Variants in PTPRG observed in about 807,000 individuals in gnomAD.
The protein encoded by PTPRG is protein tyrosine phosphatase receptor type G.
A neutral mutation model predicts 165.3 loss-of-function variants in PTPRG; 102 were observed. The observed-to-expected ratio is 0.62, with a 90% CI of 0.53 to 0.73. The LOEUF (loss-of-function observed/expected upper bound fraction) is 0.73. Ranked by LOEUF, PTPRG falls within the 30% of genes least tolerant of loss-of-function variation. The probability of loss-of-function intolerance (pLI) is 0.00; values close to 1 mark genes in which losing one functional copy is unlikely to be tolerated. For synonymous variants in PTPRG, 675 were observed against 669.5 expected (o/e 1.01, Z -0.13); for missense variants, 1,866 against 1,861.4 (o/e 1.00, Z -0.05).
At chr3:61,894,277 G>A (rs984871316) in intron 2 of PTPRG, among the ~76,000 whole-genome samples, 5 of 117,474 alleles carry the variant, frequency 4.3e-5, no homozygotes, top group Admixed American at 1.1e-4. Flanking sequence ...ACTCCAGCCC[G>A]GGCAACAGAG....
intron 1 of PTPRG, among the ~76,000 whole-genome samples, chr3:61,700,054 G>C (rs1050941269): frequency 1.3e-5 from 2 of 152,092 alleles, no homozygotes; most frequent in East Asian, 1.9e-4. Flanking sequence ...GGGGGTCTGT[G>C]TGGTCCTCTT....
rs145754238 is a variant in PTPRG at position 61,956,790 on chromosome 3, G to A, written c.191-32835G>A. Among the ~76,000 whole-genome samples, 367 of 152,318 alleles carry A rather than the reference G, an allele frequency of 2.4e-3. 3 individuals are homozygous for A. The highest frequency in any genetic ancestry group is 0.02 in the Middle Eastern group (6 of 294). ...TTGTATGACATTTCTGATTGGAAAG[G>A]TTATGTGACATGCAGGGAGGGGTCT... On this transcript the variant is annotated intron_variant, in intron 2 of 29. Transcript: ENST00000474889.
chr3:62,140,320 A>G (rs1703874973), intron 6 of PTPRG, among the ~76,000 whole-genome samples: 1 of 152,222 alleles, frequency 6.6e-6, no homozygotes, highest in African/African-American at 2.4e-5. Flanking sequence ...TGTGCATATG[A>G]GCCTTATTCA....
chr3:62,247,413 CTT>C (rs1209594118), intron 15 of PTPRG, among the ~76,000 whole-genome samples: 1 of 152,080 alleles, frequency 6.6e-6, no homozygotes, highest in Non-Finnish European at 1.5e-5. Flanking sequence ...TGAATATTCT[CTT>C]TAGTTTTTTC....
chr3:61,570,643 C>G (rs1241855357), intron 1 of PTPRG, among the ~76,000 whole-genome samples: 7 of 152,074 alleles, frequency 4.6e-5, no homozygotes, highest in Non-Finnish European at 1.0e-4. Flanking sequence ...CAGATCTGTT[C>G]ATTAATTGGG....
chr3:62,016,311 G>A (rs1315769903), intron 4 of PTPRG, among the ~76,000 whole-genome samples: 1 of 152,078 alleles, frequency 6.6e-6, no homozygotes, highest in Non-Finnish European at 1.5e-5. Context: ...GGGATTACAG[G>A]TGCTTCTACT....
At chr3:62,200,118 C>A (rs142476845) in intron 10 of PTPRG, among the ~76,000 whole-genome samples, 205 of 152,132 alleles carry the variant, frequency 1.3e-3, no homozygotes, top group African/African-American at 4.7e-3. Flanking sequence ...TTCTTCAATG[C>A]GTGTAGAGTT....
intron 5 of PTPRG, among the ~76,000 whole-genome samples, chr3:62,078,860 T>C (rs545970095): frequency 3.0e-4 from 45 of 152,348 alleles, no homozygotes; most frequent in African/African-American, 1.0e-3. Context: ...AATAATGCTG[T>C]TCAGGCTTTT....
intron 12 of PTPRG, among the ~76,000 whole-genome samples, chr3:62,212,823 C>A (rs1398151710): frequency 6.6e-6 from 1 of 152,120 alleles, no homozygotes; most frequent in Admixed American, 6.6e-5. Context: ...TATCTGAATT[C>A]CTTTGCTTAT....
At chr3:61,597,543 A>G (rs533232421) in intron 1 of PTPRG, among the ~76,000 whole-genome samples, 32 of 152,322 alleles carry the variant, frequency 2.1e-4, no homozygotes, top group African/African-American at 6.0e-4. Context: ...TGCCCACATT[A>G]TCTAGGGCAT....
intron 2 of PTPRG, among the ~76,000 whole-genome samples, chr3:61,975,264 C>T (rs1425206899): frequency 6.6e-6 from 1 of 152,182 alleles, no homozygotes; most frequent in African/African-American, 2.4e-5. Flanking sequence ...TCACATGCCT[C>T]ATCTATAAAA....
intron 8 of PTPRG, among the ~76,000 whole-genome samples, chr3:62,184,733 T>TCGCAACACC: frequency 6.6e-6 from 1 of 152,332 alleles, no homozygotes; most frequent in South Asian, 2.1e-4. Context: ...GCATATGATG[T>TCGCAACACC]TGCAACACCT....
chr3:62,030,008 C>T (rs1054278247), intron 4 of PTPRG, among the ~76,000 whole-genome samples: 13 of 152,084 alleles, frequency 8.5e-5, no homozygotes, highest in African/African-American at 3.1e-4. Flanking sequence ...TGTTAAAGGA[C>T]AGGGGTTTGA....
intron 2 of PTPRG, among the ~76,000 whole-genome samples, chr3:61,754,871 C>CAAATTTAATGTT (rs1553661238): frequency 6.6e-6 from 1 of 152,192 alleles, no homozygotes; most frequent in Non-Finnish European, 1.5e-5. Flanking sequence ...TGTAGGACCT[C>CAAATTTAATGTT]AAATTTAATG....
chr3:62,000,281 C>CAAA (rs5849454), intron 3 of PTPRG, among the ~76,000 whole-genome samples: 4 of 102,580 alleles, frequency 3.9e-5, no homozygotes, highest in East Asian at 5.7e-4. Flanking sequence ...ACTCTGTCTC[C>CAAA]AAAAAAAAAA....
chr3:62,124,146 G>C (rs908836824), intron 5 of PTPRG: 4 of 646,102 alleles, frequency 6.2e-6, no homozygotes, highest in East Asian at 2.6e-5. Flanking sequence ...CGCTTAAAAG[G>C]TTCTGTGAAT....
intron 8 of PTPRG, among the ~76,000 whole-genome samples, chr3:62,185,922 G>A (rs9820333): frequency 0.27 from 41,163 of 152,038 alleles, 6,128 homozygotes; most frequent in African/African-American, 0.39. Flanking sequence ...CACACTTTCT[G>A]TTATACCAGC....
intron 1 of PTPRG, among the ~76,000 whole-genome samples, chr3:61,732,883 A>G (rs1455530390): frequency 6.6e-6 from 1 of 152,242 alleles, no homozygotes; most frequent in Non-Finnish European, 1.5e-5. Flanking sequence ...TCTGTTTAAA[A>G]GAAAGTGAAT....
At position 61,797,955 on chromosome 3, in the gene PTPRG, T is replaced by G. The variant is rs527636008; in HGVS notation, c.190+48973T>G. Among the ~76,000 whole-genome samples, 364 of 151,836 alleles carry G rather than the reference T, an allele frequency of 2.4e-3. 1 individual carries two copies. The highest frequency in any genetic ancestry group is 4.2e-3 in the Non-Finnish European group (286 of 67,880). The stretch of plus-strand genomic sequence containing the variant: ...AGGATGAAATTTTTAAAAAACCAGG[T>G]CAATGGACTATTCTTCCCAGCATAA... On this transcript the variant is annotated intron_variant, in intron 2 of 29. Transcript: ENST00000474889.
Sources: gnomAD v4.1 joint callset for allele counts (sites outside exome capture counted in the v4.1 genomes callset) on GRCh38, gnomAD v4.1.1 for gene constraint, MANE v1.5 for transcripts, NCBI Gene and HGNC (gene_info 2026-07-23, HGNC 2026-07-21) for gene names.